The following SRGAP3 variants were observed in gnomAD, a reference collection of about 807,000 sequenced individuals.
SRGAP3 encodes the protein SLIT-ROBO Rho GTPase-activating protein 3.
SRGAP3 carries 39 observed loss-of-function variants against 121.1 expected under a neutral mutation model. The ratio of observed to expected loss-of-function variants is 0.32; its 90% CI spans 0.25 to 0.42. The LOEUF is 0.42. Ranked by LOEUF, SRGAP3 falls within the 10% of genes least tolerant of loss-of-function variation. SRGAP3 has a pLI of 1.00. For synonymous variants in SRGAP3, 601 were observed against 570.0 expected (o/e 1.05, Z -0.77); for missense variants, 1,213 against 1,470.6 (o/e 0.82, Z 2.86).
chr3:9,060,824 G>A (rs1026477924), intron 5 of SRGAP3, among the ~76,000 whole-genome samples: 2 of 152,072 alleles, frequency 1.3e-5, no homozygotes, highest in African/African-American at 4.8e-5. Context: ...TCTGCTAGAT[G>A]AGTAAGGGCT....
At chr3:9,272,444 T>G (rs1195766537) in intron 3 of SRGAP3, among the ~76,000 whole-genome samples, 1 of 152,202 alleles carries the variant, frequency 6.6e-6, no homozygotes, top group Non-Finnish European at 1.5e-5. Flanking sequence ...TCCATTCTAC[T>G]TTCTGTTTCC....
intron 1 of SRGAP3, among the ~76,000 whole-genome samples, chr3:9,175,549 G>A (rs1429238082): frequency 6.6e-6 from 1 of 152,184 alleles, no homozygotes; most frequent in African/African-American, 2.4e-5. Flanking sequence ...CTCAAGGTGG[G>A]GCAGCTCAGG....
chr3:9,182,200 A>AAAAC (rs1491306717), intron 1 of SRGAP3, among the ~76,000 whole-genome samples: 2 of 146,304 alleles, frequency 1.4e-5, no homozygotes, highest in Non-Finnish European at 3.1e-5. Flanking sequence ...AAAAAAAAAA[A>AAAAC]ACACAAAAAA....
At chr3:9,282,135 T>C (rs1954691841) in intron 3 of SRGAP3, among the ~76,000 whole-genome samples, 1 of 152,220 alleles carries the variant, frequency 6.6e-6, no homozygotes, top group Admixed American at 6.5e-5. Context: ...AAGGTCATGG[T>C]TCTCAAACAT....
In SRGAP3 at chr3:9,142,683, G is replaced by T. The variant is rs566241363; in HGVS notation, c.68-17766C>A. On this transcript the variant is annotated intron_variant, in intron 1 of 21. Coordinates refer to ENST00000383836, the MANE Select transcript of SRGAP3 (RefSeq NM_014850.4). ...TGGGGCAAGTCTCTTCACTACTCTAGGTCAGTCGGTCAGTGGATTGCCTTT... is the reference window on the plus strand; with the variant it reads ...TGGGGCAAGTCTCTTCACTACTCTATGTCAGTCGGTCAGTGGATTGCCTTT... Among the ~76,000 whole-genome samples, 48 of 152,234 alleles carry T rather than the reference G, an allele frequency of 3.2e-4. 1 individual carries two copies. The South Asian group carries it at 8.9e-3, about 28-fold the overall frequency.
rs538137483 is a variant in SRGAP3 at position 9,013,582 on chromosome 3, T to G, written c.1920-47A>C. 9 of 1,599,948 alleles carry G rather than the reference T, an allele frequency of 5.6e-6. No individual in the cohort carries two copies. In the South Asian group the frequency reaches 9.9e-5, roughly 18 times the overall value. ...CAAGTCATCTGGGAAAGGCAAGTCC[T>G]CCCCCTGTGTTTTTTTTCTTTTGGG... is the stretch of plus-strand genomic sequence containing the variant. On this transcript the variant is annotated intron_variant, in intron 16 of 21. Transcript: ENST00000383836.
chr3:9,270,530 G>A (rs1954453708), intron 3 of SRGAP3, among the ~76,000 whole-genome samples: 1 of 152,100 alleles, frequency 6.6e-6, no homozygotes, highest in Non-Finnish European at 1.5e-5. Context: ...ATCGACTTGT[G>A]CATTTAATAT....
chr3:9,111,851 T>C (rs1575090392), intron 2 of SRGAP3, among the ~76,000 whole-genome samples: 1 of 152,228 alleles, frequency 6.6e-6, no homozygotes, highest in African/African-American at 2.4e-5. Flanking sequence ...CAATCTTTCA[T>C]GCAAGCGTCG....
upstream of SRGAP3, among the ~76,000 whole-genome samples, chr3:9,252,713 C>A (rs981269789): frequency 6.6e-6 from 1 of 152,166 alleles, no homozygotes; most frequent in African/African-American, 2.4e-5. Flanking sequence ...CTCCCCACAG[C>A]CCACCCCAGC....
chr3:9,283,712 G>A (rs1954720886), intron 3 of SRGAP3, among the ~76,000 whole-genome samples: 1 of 152,042 alleles, frequency 6.6e-6, no homozygotes, highest in Non-Finnish European at 1.5e-5. Context: ...AGAAAAAAAG[G>A]TAAAACCATG....
intron 1 of SRGAP3, among the ~76,000 whole-genome samples, chr3:9,210,979 C>T (rs1361061352): frequency 1.3e-5 from 2 of 151,938 alleles, no homozygotes; most frequent in African/African-American, 4.8e-5. Context: ...ACAAAAAAAT[C>T]CGGAGGATTA....
chr3:9,147,345 A>T (rs1950059072), intron 1 of SRGAP3, among the ~76,000 whole-genome samples: 1 of 152,016 alleles, frequency 6.6e-6, no homozygotes, highest in Admixed American at 6.5e-5. Flanking sequence ...GGTTGATCAT[A>T]CTCCAGTCAG....
intron 1 of SRGAP3, among the ~76,000 whole-genome samples, chr3:9,131,131 G>C (rs1347547869): frequency 1.3e-5 from 2 of 152,236 alleles, no homozygotes; most frequent in Non-Finnish European, 2.9e-5. Context: ...AGCTGGCACA[G>C]ATTTGGGTTT....
At chr3:9,048,693 T>C (rs1316801195) in intron 9 of SRGAP3, among the ~76,000 whole-genome samples, 1 of 151,780 alleles carries the variant, frequency 6.6e-6, no homozygotes, top group African/African-American at 2.4e-5. Context: ...GGCCTGGGGG[T>C]GTGTGCTGTG....
At chr3:9,114,349 A>G (rs391923) in intron 2 of SRGAP3, among the ~76,000 whole-genome samples, 27,669 of 152,140 alleles carry the variant, frequency 0.18, 2,641 homozygotes, top group Admixed American at 0.24. Flanking sequence ...TAGCACCTCA[A>G]TAAGTTGTTG....
intron 1 of SRGAP3, among the ~76,000 whole-genome samples, chr3:9,184,724 C>T (rs942529890): frequency 4.6e-5 from 7 of 152,104 alleles, no homozygotes; most frequent in African/African-American, 1.7e-4. Context: ...TGGTAAAGAA[C>T]GAACTAGGTG....
chr3:9,199,425 A>G lies in SRGAP3; in HGVS notation c.67+49460T>C, dbSNP rs572908349. Among the ~76,000 whole-genome samples, 6 of 152,126 alleles carry G rather than the reference A, an allele frequency of 3.9e-5. No individual in the cohort carries two copies. In the East Asian group the frequency reaches 1.2e-3, roughly 29 times the overall value. On this transcript the variant is annotated intron_variant, in intron 1 of 21. Coordinates refer to ENST00000383836, the MANE Select transcript of SRGAP3 (RefSeq NM_014850.4). ...CTGAGATTTTTTTTTAAGCCATGGC[A>G]TTTTACCTCCCACCACCAATCAAAT... is the stretch of plus-strand genomic sequence containing the variant.
chr3:9,266,493 A>G (rs1291648054), intron 3 of SRGAP3, among the ~76,000 whole-genome samples: 1 of 152,164 alleles, frequency 6.6e-6, no homozygotes, highest in Non-Finnish European at 1.5e-5. Flanking sequence ...CCCAGTGCCT[A>G]CAACTATGCC....
chr3:8,993,578 A>T (rs1203089006), intron 19 of SRGAP3, among the ~76,000 whole-genome samples: 1 of 152,058 alleles, frequency 6.6e-6, no homozygotes, highest in Non-Finnish European at 1.5e-5. Flanking sequence ...TGCTGTGGTG[A>T]CTTGTCCCTG....
Sources: allele counts gnomAD v4.1 joint callset (sites outside exome capture counted in the v4.1 genomes callset), GRCh38; gene constraint gnomAD v4.1.1; transcripts MANE v1.5; gene names NCBI Gene and HGNC (gene_info 2026-07-23, HGNC 2026-07-21).